Variants in KAZN observed in about 807,000 individuals in gnomAD.
KAZN encodes kazrin, periplakin interacting protein, also known as kazrin.
In KAZN, 40 loss-of-function variants were observed where a neutral mutation model predicts 87.4. That is an observed-to-expected ratio of 0.46 (90% CI 0.36 to 0.60). KAZN has a LOEUF of 0.60. Among genes scored for constraint, KAZN ranks in the 20% least tolerant of loss-of-function variants. The pLI is 0.00. For missense variants in KAZN, 898 were observed against 1,073.9 expected, an observed-to-expected ratio of 0.84 and a Z score of 2.29; for synonymous variants, 466 against 458.3, an observed-to-expected ratio of 1.02 and a Z score of -0.22.
rs192164671 is a variant in KAZN at position 14,335,115 on chromosome 1, C to T, written c.249+154523C>T. On this transcript the variant is annotated intron_variant, in intron 2 of 16. Transcript: ENST00000636203. ...TCATGAATGACTCGGTGCCCCCCCC[C>T]CACCACCCCAGTGGTGATGAATGAG... 2.3e-4 allele frequency among the ~76,000 whole-genome samples: 34 copies of T among 150,832 alleles called. 2 individuals are homozygous for T. The East Asian group carries it at 6.1e-3, about 27-fold the overall frequency.
intron 1 of KAZN, among the ~76,000 whole-genome samples, chr1:14,775,903 C>T (rs1645162204): frequency 6.6e-6 from 1 of 152,258 alleles, no homozygotes; most frequent in African/African-American, 2.4e-5. Flanking sequence ...CCCTTTCCTA[C>T]AGCGGTCGAC....
chr1:14,656,440 A>G (rs1345046467), intron 1 of KAZN, among the ~76,000 whole-genome samples: 1 of 152,118 alleles, frequency 6.6e-6, no homozygotes, highest in Non-Finnish European at 1.5e-5. Context: ...GATACCAACA[A>G]TTGCCACCCA....
intron 1 of KAZN, among the ~76,000 whole-genome samples, chr1:14,602,352 A>G (rs926094672): frequency 2.0e-5 from 3 of 152,176 alleles, no homozygotes; most frequent in African/African-American, 7.2e-5. Context: ...GAGTTGGATA[A>G]TCCTTAATGA....
chr1:14,978,307 A>G (rs1204433379), intron 2 of KAZN, among the ~76,000 whole-genome samples: 1 of 152,184 alleles, frequency 6.6e-6, no homozygotes, highest in Non-Finnish European at 1.5e-5. Flanking sequence ...TTTGGGAGCA[A>G]CACTCTTAAG....
At chr1:14,858,053 C>T (rs1650339874) in intron 1 of KAZN, among the ~76,000 whole-genome samples, 1 of 152,082 alleles carries the variant, frequency 6.6e-6, no homozygotes, top group Admixed American at 6.6e-5. Flanking sequence ...TGGAGTCATG[C>T]AATATTGGGC....
At position 15,055,147 on chromosome 1, in the gene KAZN, G is replaced by A. The variant is rs140054305; in HGVS notation, c.727-944G>A. ...TTCTTACAATCGGACTTGAATCCTGGCTAGTCCCTGGAGAATCCAAAAGAA... is the reference window on the plus strand; with the variant it reads ...TTCTTACAATCGGACTTGAATCCTGACTAGTCCCTGGAGAATCCAAAAGAA... On this transcript the variant is annotated intron_variant, in intron 4 of 14. Coordinates refer to ENST00000376030, the MANE Select transcript of KAZN (RefSeq NM_201628.3). 2.0e-3 allele frequency among the ~76,000 whole-genome samples: 311 copies of A among 152,312 alleles called. 1 individual carries two copies. The highest frequency in any genetic ancestry group is 7.2e-3 in the African/African-American group (298 of 41,568).
intron 13 of KAZN, among the ~76,000 whole-genome samples, chr1:15,105,642 C>G (rs781350278): frequency 6.6e-6 from 1 of 151,918 alleles, no homozygotes; most frequent in Non-Finnish European, 1.5e-5. Flanking sequence ...CTCTCTAACT[C>G]AGGCCTGAGT....
At chr1:14,908,732 G>T (rs776007740) in intron 1 of KAZN, among the ~76,000 whole-genome samples, 1 of 150,492 alleles carries the variant, frequency 6.6e-6, no homozygotes, top group Non-Finnish European at 1.5e-5. Flanking sequence ...AGAACATGTG[G>T]GTCCGGGCAT....
chr1:14,642,509 A>G lies in KAZN; in HGVS notation c.226+43286A>G, dbSNP rs150328718. On this transcript the variant is annotated intron_variant, in intron 1 of 14. Coordinates refer to ENST00000376030, the MANE Select transcript of KAZN (RefSeq NM_201628.3). Reference sequence around the variant, plus strand: ...AGCTTTAAAAAGCTGATCTCATAGAAGTAAAAAGTGGAACAGAGGATACTG... The same window carrying G: ...AGCTTTAAAAAGCTGATCTCATAGAGGTAAAAAGTGGAACAGAGGATACTG... Among the ~76,000 whole-genome samples, 558 of 152,336 alleles carry G rather than the reference A, an allele frequency of 3.7e-3. 14 individuals are homozygous for G. In the East Asian group the frequency reaches 0.043, roughly 12 times the overall value.
At chr1:14,273,454 GT>G in intron 2 of KAZN, among the ~76,000 whole-genome samples, 1 of 151,986 alleles carries the variant, frequency 6.6e-6, no homozygotes, top group Non-Finnish European at 1.5e-5. Flanking sequence ...GCTTATTTGT[GT>G]TTCTCTATTA....
intron 2 of KAZN, among the ~76,000 whole-genome samples, chr1:14,220,447 C>T (rs1647070413): frequency 6.6e-6 from 1 of 152,162 alleles, no homozygotes; most frequent in African/African-American, 2.4e-5. Flanking sequence ...TGGACAGCTT[C>T]TATTTCTCTG....
intron 2 of KAZN, among the ~76,000 whole-genome samples, chr1:14,593,075 A>G (rs766138051): frequency 1.3e-3 from 196 of 152,308 alleles, no homozygotes; most frequent in Non-Finnish European, 1.8e-3. Flanking sequence ...GCTTGGACAG[A>G]TCTCTTAACT....
At chr1:14,134,115 G>A (rs1170818676) in intron 1 of KAZN, among the ~76,000 whole-genome samples, 2 of 152,174 alleles carry the variant, frequency 1.3e-5, no homozygotes, top group East Asian at 3.9e-4. Flanking sequence ...TCTCTCCACT[G>A]GGAGACAGGG....
chr1:14,638,296 T>C (rs572570029), intron 1 of KAZN, among the ~76,000 whole-genome samples: 8 of 152,116 alleles, frequency 5.3e-5, no homozygotes, highest in African/African-American at 1.9e-4. Flanking sequence ...TGGTGGGGCG[T>C]GGTGACTCTT....
chr1:14,692,333 C>T (rs1446283424), intron 1 of KAZN: 3 of 435,422 alleles, frequency 6.9e-6, no homozygotes, highest in Non-Finnish European at 4.0e-6. Context: ...CTTCGGCTCT[C>T]ATTTTTTCGA....
intron 7 of KAZN, among the ~76,000 whole-genome samples, chr1:15,064,431 G>T (rs180715985): frequency 1.1e-3 from 172 of 152,288 alleles, no homozygotes; most frequent in Middle Eastern, 6.8e-3. Context: ...GCCCCACCCC[G>T]GTTACGCATG....
intron 2 of KAZN, among the ~76,000 whole-genome samples, chr1:14,589,920 A>G (rs1676090884): frequency 6.6e-6 from 1 of 152,174 alleles, no homozygotes; most frequent in South Asian, 2.1e-4. Flanking sequence ...GAATCTGGGA[A>G]AAGAATGGGG....
chr1:14,749,454 C>T (rs1644353084), intron 1 of KAZN, among the ~76,000 whole-genome samples: 1 of 152,196 alleles, frequency 6.6e-6, no homozygotes, highest in African/African-American at 2.4e-5. Flanking sequence ...TCTTAAGCCA[C>T]TCTTAAACCT....
At chr1:14,272,202 G>A (rs1207212668) in intron 2 of KAZN, among the ~76,000 whole-genome samples, 1 of 152,180 alleles carries the variant, frequency 6.6e-6, no homozygotes, top group East Asian at 1.9e-4. Context: ...ATCTGATGCT[G>A]GCTGATCTAG....
Sources: gnomAD v4.1 joint callset for allele counts (sites outside exome capture counted in the v4.1 genomes callset) on GRCh38, gnomAD v4.1.1 for gene constraint, MANE v1.5 for transcripts, NCBI Gene and HGNC (gene_info 2026-07-23, HGNC 2026-07-21) for gene names.